Variants in PCDH15 observed in about 807,000 individuals in gnomAD.
The protein encoded by PCDH15 is protocadherin related 15.
A neutral mutation model predicts 178.5 loss-of-function variants in PCDH15; 129 were observed. The ratio of observed to expected loss-of-function variants is 0.72; its 90% CI spans 0.63 to 0.84. PCDH15 has a LOEUF of 0.84. Among genes scored for constraint, PCDH15 ranks in the 40% least tolerant of loss-of-function variants. The pLI is 0.00. For synonymous variants in PCDH15, 800 were observed against 732.0 expected (o/e 1.09, Z -1.50); for missense variants, 2,230 against 2,099.9 (o/e 1.06, Z -1.21).
At chr10:54,026,218 G>GC (rs1447823574) in intron 18 of PCDH15, among the ~76,000 whole-genome samples, 1 of 151,850 alleles carries the variant, frequency 6.6e-6, no homozygotes, top group Non-Finnish European at 1.5e-5. Flanking sequence ...ACAAGCACAT[G>GC]CCCCCAGGCC....
intron 15 of PCDH15, among the ~76,000 whole-genome samples, chr10:54,090,494 G>T (rs1282289950): frequency 6.6e-6 from 1 of 151,802 alleles, no homozygotes; most frequent in Non-Finnish European, 1.5e-5. Context: ...AACACAAGAA[G>T]TTACCCGGGT....
chr10:54,381,118 T>A (rs1392559529), intron 3 of PCDH15, among the ~76,000 whole-genome samples: 2 of 151,818 alleles, frequency 1.3e-5, no homozygotes, highest in South Asian at 4.2e-4. Context: ...AGCCAAAATT[T>A]AGGGGAGAGA....
At chr10:54,869,728 T>C (rs1191566436) in intron 3 of PCDH15, among the ~76,000 whole-genome samples, 1 of 152,214 alleles carries the variant, frequency 6.6e-6, no homozygotes, top group African/African-American at 2.4e-5. Flanking sequence ...TCTATATATG[T>C]ATTCAAAAGA....
chr10:54,189,919 A>G lies in PCDH15; in HGVS notation c.1306-4651T>C, dbSNP rs867515000. On this transcript the variant is annotated intron_variant, in intron 11 of 37. Transcript: ENST00000644397. ...ATATGGTTCATATATGTATACATGCATGTGTATGTGTGTGTGTGTGTGTGT... is the reference window on the plus strand; with the variant it reads ...ATATGGTTCATATATGTATACATGCGTGTGTATGTGTGTGTGTGTGTGTGT... Among the ~76,000 whole-genome samples the G allele has an allele frequency of 6.3e-3, 687 of 108,824 alleles. 8 individuals carry two copies. The highest frequency in any genetic ancestry group is 0.017 in the African/African-American group (538 of 31,510). The allele number at this position is 108,824 out of a possible 152,430, so 71.4% of individuals were successfully genotyped here. A position where few individuals can be genotyped will look rare whatever the true frequency, so the allele number is the denominator to read the frequency against.
chr10:54,536,606 A>C lies in PCDH15; in HGVS notation c.92-8729T>G, dbSNP rs949424667. Among the ~76,000 whole-genome samples the C allele has an allele frequency of 3.3e-5, 5 of 152,322 alleles. No homozygotes were observed. In the East Asian group the frequency reaches 9.6e-4, roughly 29 times the overall value. On this transcript the variant is annotated intron_variant, in intron 2 of 37. Transcript: ENST00000644397. Reference sequence around the variant, plus strand: ...GATTCCATCATCAGGTAATGAGCACAGCACTCAATAGTTGTTTTTTAAATA... The same window carrying C: ...GATTCCATCATCAGGTAATGAGCACCGCACTCAATAGTTGTTTTTTAAATA...
intron 2 of PCDH15, among the ~76,000 whole-genome samples, chr10:55,119,547 G>C (rs7069852): frequency 7.1e-6 from 1 of 140,070 alleles, no homozygotes; most frequent in Non-Finnish European, 1.5e-5. Flanking sequence ...AAAAGGCAGG[G>C]TATTGCATAT....
rs936841056 is a variant in PCDH15, at chr10:55,086,121, A to T, written c.-80+80455T>A. ...GGAAGATATTTAACTCAAGCTAAAA[A>T]TTACCAAAGATCATAAATGTTCTGA... On this transcript the variant is annotated intron_variant, in intron 2 of 5. Coordinates refer to the PCDH15 transcript ENST00000458638. 2.6e-5 allele frequency among the ~76,000 whole-genome samples: 4 copies of T among 152,000 alleles called. No homozygotes were observed. The East Asian group carries it at 7.7e-4, about 29-fold the overall frequency.
chr10:54,841,243 T>C (rs1265033634), intron 3 of PCDH15, among the ~76,000 whole-genome samples: 1 of 151,604 alleles, frequency 6.6e-6, no homozygotes, highest in Non-Finnish European at 1.5e-5. Flanking sequence ...GATATGAAAC[T>C]AAAAATCAAC....
At chr10:55,528,176 A>G (rs1841347209) in intron 2 of PCDH15, among the ~76,000 whole-genome samples, 1 of 152,004 alleles carries the variant, frequency 6.6e-6, no homozygotes, top group Admixed American at 6.6e-5. Context: ...GGCTGGGACT[A>G]CAGGCATGTG....
In PCDH15 at chr10:53,866,668, C is replaced by G. The variant is rs1366395465; in HGVS notation, c.3691G>C (p.Gly1231Arg). ...AGTACATCGGCTTTGCCGCTCAGTC[C>G]CTTCCCATAGTCGTCAGTTGCAATA... The part of the protein sequence containing the change: ...QVIATDDYGK[G>R]LSGKADVLVS... Residue 1231 changes from glycine to arginine, a missense_variant, in exon 27 of 38, where the codon GGA becomes CGA. Coordinates refer to ENST00000644397, the MANE Select transcript of PCDH15 (RefSeq NM_001384140.1). 3 of 1,613,582 alleles carry G rather than the reference C, an allele frequency of 1.9e-6. No individual in the cohort carries two copies. The highest frequency in any genetic ancestry group is 3.3e-5 in the Admixed American group (2 of 59,974).
chr10:54,661,607 GA>G (rs1306663873), intron 2 of PCDH15, among the ~76,000 whole-genome samples: 1 of 151,848 alleles, frequency 6.6e-6, no homozygotes, highest in Non-Finnish European at 1.5e-5. Flanking sequence ...GCAATCCTAA[GA>G]AGAAAGATGA....
chr10:53,848,241 T>C (rs1353794815), intron 28 of PCDH15, among the ~76,000 whole-genome samples: 1 of 151,440 alleles, frequency 6.6e-6, no homozygotes. Flanking sequence ...ACAAAACTTC[T>C]AGGTTATAAA....
At chr10:54,515,080 A>T (rs1157898923) in intron 3 of PCDH15, among the ~76,000 whole-genome samples, 1 of 152,148 alleles carries the variant, frequency 6.6e-6, no homozygotes, top group Non-Finnish European at 1.5e-5. Flanking sequence ...CTGCATTTCC[A>T]TCTGAGGTAC....
chr10:54,331,800 T>C lies in PCDH15; in HGVS notation c.595-2094A>G, dbSNP rs144133741. Among the ~76,000 whole-genome samples, 1,412 of 152,116 alleles carry C rather than the reference T, an allele frequency of 9.3e-3. 31 individuals are homozygous for C. The highest frequency in any genetic ancestry group is 0.032 in the African/African-American group (1,330 of 41,530). ...AAATTAGCTCACATATCTGGTGACA[T>C]TGTGCCTCAGAGGAGGCTATGTCTC... On this transcript the variant is annotated intron_variant, in intron 6 of 37. Coordinates refer to ENST00000644397, the MANE Select transcript of PCDH15 (RefSeq NM_001384140.1).
intron 27 of PCDH15, 60 bp downstream of exon 27, chr10:53,866,582 A>T: frequency 7.8e-7 from 1 of 1,275,820 alleles, no homozygotes; most frequent in Non-Finnish European, 1.1e-6. Flanking sequence ...ATAAACTGAA[A>T]ACACTGACCT....
chr10:54,968,441 A>ATTTTTTTTTTT (rs56262769), intron 2 of PCDH15, among the ~76,000 whole-genome samples: 1 of 149,724 alleles, frequency 6.7e-6, no homozygotes, highest in Non-Finnish European at 1.5e-5. Flanking sequence ...ATAGATTGAC[A>ATTTTTTTTTTT]TTTTTTTTTT....
chr10:54,984,304 C>T (rs1246051022), intron 2 of PCDH15, among the ~76,000 whole-genome samples: 1 of 152,120 alleles, frequency 6.6e-6, no homozygotes, highest in African/African-American at 2.4e-5. Flanking sequence ...CTCCTCTCCC[C>T]ACGCAAGTCA....
intron 10 of PCDH15, among the ~76,000 whole-genome samples, chr10:54,203,703 A>G (rs112904018): frequency 6.6e-6 from 1 of 152,272 alleles, no homozygotes; most frequent in African/African-American, 2.4e-5. Flanking sequence ...ACCTCTTGCT[A>G]AACAGCTCTT....
chr10:54,516,852 A>G (rs1350689023), intron 3 of PCDH15, among the ~76,000 whole-genome samples: 4 of 152,246 alleles, frequency 2.6e-5, no homozygotes, highest in Non-Finnish European at 5.9e-5. Context: ...TCAGAGTAAC[A>G]GCAGATCTCT....
Sources: gnomAD v4.1 joint callset for allele counts (sites outside exome capture counted in the v4.1 genomes callset) on GRCh38, gnomAD v4.1.1 for gene constraint, MANE v1.5 for transcripts, NCBI Gene and HGNC (gene_info 2026-07-23, HGNC 2026-07-21) for gene names.